RGS7: variants seen among roughly 807,000 people sequenced by gnomAD.
The protein encoded by RGS7 is regulator of G-protein signaling 7.
Under a neutral mutation model 81.1 loss-of-function variants are expected in RGS7, and 27 were observed. The ratio of observed to expected loss-of-function variants is 0.33; its 90% CI spans 0.25 to 0.46. The LOEUF (loss-of-function observed/expected upper bound fraction) is 0.46, where lower values mean the gene tolerates loss of function less well. Among genes scored for constraint, RGS7 ranks in the 20% least tolerant of loss-of-function variants. The probability of loss-of-function intolerance (pLI) is 1.00; values close to 1 mark genes in which losing one functional copy is unlikely to be tolerated. For missense variants in RGS7, 396 were observed against 607.4 expected (o/e 0.65, Z 3.66); for synonymous variants, 208 against 207.7 (o/e 1.00, Z -0.01).
intron 7 of RGS7, among the ~76,000 whole-genome samples, chr1:240,869,739 A>G (rs1245048010): frequency 2.0e-5 from 3 of 152,116 alleles, no homozygotes. Flanking sequence ...CAGGAGTTCA[A>G]GACCAGCCTG....
At chr1:240,969,029 C>T (rs947699050) in intron 4 of RGS7, among the ~76,000 whole-genome samples, 2 of 152,058 alleles carry the variant, frequency 1.3e-5, no homozygotes, top group Non-Finnish European at 1.5e-5. Flanking sequence ...TATCTATGGC[C>T]GCTTCTGGGT....
rs1018011460 is a variant in RGS7 at position 241,310,277 on chromosome 1, T to C, written c.78+45422A>G. Among the ~76,000 whole-genome samples, 3 of 152,206 alleles carry C rather than the reference T, an allele frequency of 2.0e-5. No individual in the cohort carries two copies. The South Asian group carries it at 6.2e-4, about 31-fold the overall frequency. ...AATTGACTGAAGTAGCACCCTGTCT[T>C]CTAATGTAGTCAAGTCTACCATGTT... On this transcript the variant is annotated intron_variant, in intron 2 of 18. Transcript: ENST00000440928.
At chr1:241,064,646 A>G (rs1438929781) in intron 3 of RGS7, among the ~76,000 whole-genome samples, 8 of 152,086 alleles carry the variant, frequency 5.3e-5, no homozygotes, top group Non-Finnish European at 1.2e-4. Context: ...CTGTAATCCC[A>G]GCACTTTGGG....
rs940169731 is a variant in RGS7 at position 240,845,395 on chromosome 1, C to G, written c.610-18223G>C. 2.6e-5 allele frequency among the ~76,000 whole-genome samples: 4 copies of G among 152,258 alleles called. No homozygotes were observed. In the East Asian group the frequency reaches 7.7e-4, roughly 29 times the overall value. On this transcript the variant is annotated intron_variant, in intron 9 of 18. Transcript: ENST00000440928. ...ATAAAAAACTCAATTAATCATTTCACTAATAAGAAATAAAAACTAGTTAAC... is the reference window on the plus strand; with the variant it reads ...ATAAAAAACTCAATTAATCATTTCAGTAATAAGAAATAAAAACTAGTTAAC...
At chr1:240,977,112 A>G (rs1279737294) in intron 4 of RGS7, among the ~76,000 whole-genome samples, 1 of 150,726 alleles carries the variant, frequency 6.6e-6, no homozygotes, top group East Asian at 2.0e-4. Context: ...ACACACACAC[A>G]CACACACACA....
intron 6 of RGS7, 135 bp from the exon 7 acceptor site, chr1:240,870,254 A>G: frequency 4.0e-6 from 3 of 743,202 alleles, no homozygotes; most frequent in Non-Finnish European, 7.2e-6. Flanking sequence ...TAGACAAAAA[A>G]TAATTATGTA....
At chr1:241,294,717 T>C (rs572766247) in intron 2 of RGS7, among the ~76,000 whole-genome samples, 2 of 152,304 alleles carry the variant, frequency 1.3e-5, no homozygotes, top group African/African-American at 4.8e-5. Flanking sequence ...TTCTATACCA[T>C]ATTTTTACTG....
chr1:240,836,462 T>C (rs1694752853), intron 9 of RGS7, among the ~76,000 whole-genome samples: 1 of 152,144 alleles, frequency 6.6e-6, no homozygotes, highest in Non-Finnish European at 1.5e-5. Flanking sequence ...GGGATGCATT[T>C]TGAAGCTATA....
chr1:241,304,221 G>A (rs2079943564), intron 2 of RGS7, among the ~76,000 whole-genome samples: 1 of 152,160 alleles, frequency 6.6e-6, no homozygotes, highest in Non-Finnish European at 1.5e-5. Context: ...CTACAAGCCT[G>A]TGCCTAATTT....
chr1:241,174,926 G>T lies in RGS7; in HGVS notation c.79-76164C>A, dbSNP rs143606725. On this transcript the variant is annotated intron_variant, in intron 2 of 18. Coordinates refer to ENST00000440928, the MANE Select transcript of RGS7 (RefSeq NM_001364886.1). ...TTTTTTTTTTTTTTTTTTTTGAGAC[G>T]GAGTCCCGAACTGTCACCTGAGCTG... Among the ~76,000 whole-genome samples, 977 of 132,764 alleles carry T rather than the reference G, an allele frequency of 7.4e-3. 16 individuals are homozygous for T. The highest frequency in any genetic ancestry group is 0.027 in the African/African-American group (907 of 33,844). The allele number at this position is 132,764 out of a possible 152,430, so 87.1% of individuals were successfully genotyped here. A position where few individuals can be genotyped will look rare whatever the true frequency, so the allele number is the denominator to read the frequency against.
intron 3 of RGS7, among the ~76,000 whole-genome samples, chr1:241,085,575 C>T (rs10926410): frequency 0.048 from 7,293 of 151,448 alleles, 597 homozygotes; most frequent in African/African-American, 0.17. Flanking sequence ...TAGGCCCGCA[C>T]CATCATGCCC....
chr1:240,877,390 G>A (rs1665612610), intron 6 of RGS7, among the ~76,000 whole-genome samples: 1 of 150,668 alleles, frequency 6.6e-6, no homozygotes, highest in South Asian at 2.1e-4. Context: ...TCATTATTTG[G>A]TATATAGTTT....
intron 2 of RGS7, among the ~76,000 whole-genome samples, chr1:241,312,421 C>CAGCA: frequency 6.6e-6 from 1 of 152,166 alleles, no homozygotes; most frequent in African/African-American, 2.4e-5. Flanking sequence ...GTGCCATTTT[C>CAGCA]CCAACAACAG....
At chr1:241,193,053 T>G (rs915011981) in intron 2 of RGS7, among the ~76,000 whole-genome samples, 4 of 152,212 alleles carry the variant, frequency 2.6e-5, no homozygotes, top group African/African-American at 7.2e-5. Flanking sequence ...TGACATAGAA[T>G]GGGCCACACA....
intron 2 of RGS7, among the ~76,000 whole-genome samples, chr1:241,232,153 T>G (rs1573255845): frequency 1.3e-5 from 2 of 152,150 alleles, no homozygotes; most frequent in African/African-American, 4.8e-5. Context: ...AGGCTTATTT[T>G]GGGATCTCTT....
chr1:241,155,699 C>CA lies in RGS7; in HGVS notation c.79-56938dup, dbSNP rs561038751. Reference sequence around the variant, plus strand: ...TGAGGTAAAATTATTTCCCCAGTCTCAAAATGAAATTTCCAGTAGACTTTA... The same window carrying CA: ...TGAGGTAAAATTATTTCCCCAGTCTCAAAAATGAAATTTCCAGTAGACTTTA... On this transcript the variant is annotated intron_variant, in intron 2 of 18. Transcript: ENST00000440928. Among the ~76,000 whole-genome samples the CA allele has an allele frequency of 1.3e-3, 199 of 151,358 alleles. 2 individuals carry two copies. The highest frequency in any genetic ancestry group is 4.7e-3 in the African/African-American group (193 of 41,264).
intron 3 of RGS7, among the ~76,000 whole-genome samples, chr1:241,036,510 T>G (rs1206193263): frequency 6.6e-6 from 1 of 152,200 alleles, no homozygotes; most frequent in African/African-American, 2.4e-5. Flanking sequence ...ATCCAAAATA[T>G]AGAGCAGCGC....
At position 241,304,167 on chromosome 1, in the gene RGS7, G is replaced by A. The variant is rs529790435; in HGVS notation, c.78+51532C>T. On this transcript the variant is annotated intron_variant, in intron 2 of 18. Transcript: ENST00000440928. ...CCCGGGCTCAAACTTCTGAGCTTAAGTCATTCTCTATTCTCCCTGGCTCAG... is the reference window on the plus strand; with the variant it reads ...CCCGGGCTCAAACTTCTGAGCTTAAATCATTCTCTATTCTCCCTGGCTCAG... Among the ~76,000 whole-genome samples the A allele has an allele frequency of 2.0e-5, 3 of 152,316 alleles. No individual in the cohort carries two copies. The South Asian group carries it at 6.2e-4, about 32-fold the overall frequency.
At chr1:241,288,376 T>C (rs1385849473) in intron 2 of RGS7, among the ~76,000 whole-genome samples, 1 of 152,170 alleles carries the variant, frequency 6.6e-6, no homozygotes, top group African/African-American at 2.4e-5. Flanking sequence ...TTCTCACATA[T>C]CTAGTTCAGG....
Sources: gnomAD v4.1 joint callset for allele counts (sites outside exome capture counted in the v4.1 genomes callset) on GRCh38, gnomAD v4.1.1 for gene constraint, MANE v1.5 for transcripts, NCBI Gene and HGNC (gene_info 2026-07-23, HGNC 2026-07-21) for gene names.